Variants in MLIP observed in about 807,000 individuals in gnomAD.
MLIP encodes muscular LMNA interacting protein.
In MLIP, 79 loss-of-function variants were observed where a neutral mutation model predicts 84.8. That is an observed-to-expected ratio of 0.93 (90% CI 0.78 to 1.12). MLIP has a LOEUF of 1.12. Ranked by LOEUF, MLIP falls within the 50% of genes most tolerant of loss-of-function variation. The pLI, the probability that MLIP is intolerant of heterozygous loss-of-function variation, is 0.00. For synonymous variants in MLIP, 504 were observed against 463.0 expected, an observed-to-expected ratio of 1.09 and a Z score of -1.14; for missense variants, 1,257 against 1,160.6, an observed-to-expected ratio of 1.08 and a Z score of -1.21.
chr6:54,222,930 G>A (rs1780314337), intron 11 of MLIP, among the ~76,000 whole-genome samples: 1 of 151,880 alleles, frequency 6.6e-6, no homozygotes, highest in African/African-American at 2.4e-5. Flanking sequence ...GATAGCTCAT[G>A]GTGGTTTTGA....
intron 1 of MLIP, among the ~76,000 whole-genome samples, chr6:54,034,371 T>G (rs1274099901): frequency 3.3e-5 from 5 of 152,170 alleles, no homozygotes; most frequent in Admixed American, 3.3e-4. Context: ...AGTGCAGTCA[T>G]GTGCTGTATG....
intron 5 of MLIP, among the ~76,000 whole-genome samples, chr6:54,153,162 G>T (rs2150534988): frequency 6.7e-6 from 1 of 150,034 alleles, no homozygotes; most frequent in East Asian, 2.1e-4. Context: ...ATAATTACAG[G>T]TTTAATTCTT....
At chr6:54,177,304 G>A (rs1329427972) in intron 9 of MLIP, among the ~76,000 whole-genome samples, 6 of 152,064 alleles carry the variant, frequency 3.9e-5, no homozygotes, top group African/African-American at 1.4e-4. Flanking sequence ...ATCTGACAAA[G>A]GTCTAATATC....
At chr6:54,090,382 A>G (rs1767784290) in intron 1 of MLIP, among the ~76,000 whole-genome samples, 1 of 152,162 alleles carries the variant, frequency 6.6e-6, no homozygotes, top group Non-Finnish European at 1.5e-5. Flanking sequence ...TAAACTTAGA[A>G]ATTACTTAGT....
chr6:54,029,078 C>T (rs1319125755), intron 1 of MLIP: 1 of 152,082 alleles, frequency 6.6e-6, no homozygotes, highest in Non-Finnish European at 1.5e-5. Context: ...CATGTGTGTT[C>T]CATTAGTGAT....
At chr6:54,038,438 G>A (rs1287865315) in intron 1 of MLIP, among the ~76,000 whole-genome samples, 2 of 151,692 alleles carry the variant, frequency 1.3e-5, no homozygotes, top group African/African-American at 4.8e-5. Context: ...TTCTTTAATA[G>A]AATAATTTAT....
At chr6:54,087,286 G>A (rs543805404) in intron 1 of MLIP, among the ~76,000 whole-genome samples, 2 of 152,258 alleles carry the variant, frequency 1.3e-5, no homozygotes, top group Admixed American at 6.5e-5. Context: ...TACAATATCT[G>A]CCTTAGGTAT....
At chr6:54,234,195 A>C (rs1781207913) in intron 12 of MLIP, among the ~76,000 whole-genome samples, 1 of 152,064 alleles carries the variant, frequency 6.6e-6, no homozygotes, top group African/African-American at 2.4e-5. Flanking sequence ...CCTTTGTCTG[A>C]GGTTATTTCT....
At chr6:54,217,781 T>A (rs1779950994) in intron 11 of MLIP, 1 of 984,824 alleles carries the variant, frequency 1.0e-6, no homozygotes, top group Admixed American at 6.1e-5. Context: ...TAGAAACATG[T>A]CCAAGACTGT....
chr6:54,122,476 C>T (rs2150437254), intron 2 of MLIP, among the ~76,000 whole-genome samples: 1 of 152,208 alleles, frequency 6.6e-6, no homozygotes, highest in Non-Finnish European at 1.5e-5. Context: ...TGTGTTTTAA[C>T]ATTGCTTACT....
At chr6:54,057,469 CTT>C (rs1396119589) in intron 1 of MLIP, among the ~76,000 whole-genome samples, 1 of 152,188 alleles carries the variant, frequency 6.6e-6, no homozygotes, top group Non-Finnish European at 1.5e-5. Flanking sequence ...GGTTAATAAA[CTT>C]ATAAAATGCT....
At chr6:54,149,005 T>C in intron 4 of MLIP, 51 bp from the exon 5 acceptor site, 1 of 1,452,572 alleles carries the variant, frequency 6.9e-7, no homozygotes, top group Non-Finnish European at 9.6e-7. Context: ...AATTATGTCA[T>C]ATTCTTTCCC....
At chr6:54,136,160 T>C (rs1312976569) in intron 3 of MLIP, among the ~76,000 whole-genome samples, 1 of 152,212 alleles carries the variant, frequency 6.6e-6, no homozygotes, top group East Asian at 1.9e-4. Flanking sequence ...AATTTATCAT[T>C]CTGTGTTGAC....
chr6:54,020,372 A>G (rs1178684265), intron 1 of MLIP, among the ~76,000 whole-genome samples: 1 of 152,210 alleles, frequency 6.6e-6, no homozygotes, highest in Non-Finnish European at 1.5e-5. Flanking sequence ...ACTAATATGG[A>G]AAGAAAAAAG....
At chr6:54,149,582 A>C (rs1055975867) in intron 5 of MLIP, among the ~76,000 whole-genome samples, 1 of 152,084 alleles carries the variant, frequency 6.6e-6, no homozygotes, top group Non-Finnish European at 1.5e-5. Context: ...ATTGTACTAT[A>C]CTGATACTCA....
intron 12 of MLIP, among the ~76,000 whole-genome samples, chr6:54,251,748 G>C (rs1209350290): frequency 1.1e-5 from 1 of 88,068 alleles, no homozygotes; most frequent in African/African-American, 5.1e-5. Flanking sequence ...ATATATAATA[G>C]CATATAATAT....
chr6:54,256,308 C>A (rs1309569276), intron 12 of MLIP, among the ~76,000 whole-genome samples: 1 of 152,172 alleles, frequency 6.6e-6, no homozygotes, highest in African/African-American at 2.4e-5. Flanking sequence ...AGGTTAGAGT[C>A]TTCCCCTGGG....
At chr6:54,166,208 G>C (rs1403596306) in intron 8 of MLIP, among the ~76,000 whole-genome samples, 1 of 151,924 alleles carries the variant, frequency 6.6e-6, no homozygotes, top group African/African-American at 2.4e-5. Context: ...TAGTTTGGTG[G>C]AAGAGAAATA....
At chr6:54,124,946 T>G (rs1486406636) in intron 3 of MLIP, 81 bp downstream of exon 3, 2 of 1,334,158 alleles carry the variant, frequency 1.5e-6, no homozygotes, top group Non-Finnish European at 2.0e-6. Flanking sequence ...GCAAAGGCCA[T>G]CCTGTTTAAG....
Sources: gnomAD v4.1 joint callset for allele counts (sites outside exome capture counted in the v4.1 genomes callset) on GRCh38, gnomAD v4.1.1 for gene constraint, MANE v1.5 for transcripts, NCBI Gene and HGNC (gene_info 2026-07-23, HGNC 2026-07-21) for gene names.